EMCN: variants seen among roughly 807,000 people sequenced by gnomAD.
EMCN encodes the protein MUC-14.
Under a neutral mutation model 38.4 loss-of-function variants are expected in EMCN, and 37 were observed. The ratio of observed to expected loss-of-function variants is 0.96; its 90% CI spans 0.74 to 1.27. The LOEUF is 1.27. EMCN is among the 50% of genes most tolerant of loss of function. The pLI is 0.00. For missense variants in EMCN, 318 were observed against 302.8 expected, an observed-to-expected ratio of 1.05 and a Z score of -0.37; for synonymous variants, 95 against 100.8, an observed-to-expected ratio of 0.94 and a Z score of 0.35.
Position 100,423,320 on chromosome 4 carries a change from T to C in EMCN, c.500A>G (p.Gln167Arg). ...GCACACAGATATCATACCTTGAGAC[T>C]GTGAGGTGTTTTCTGGAATTGTAAC... ...IPVTIPENTS[Q>R]SQVIGTEGGK... Residue 167 changes from glutamine (Q) to arginine (R), a missense_variant, in exon 6 of 12, where the codon CAG (glutamine) becomes CGG (arginine). Physicochemically the swap from Gln to Arg is conservative, Grantham distance 43. Transcript: ENST00000296420. 1 of 1,610,920 alleles carries C rather than the reference T, an allele frequency of 6.2e-7. No homozygotes were observed. The highest frequency in any genetic ancestry group is 8.5e-7 in the Non-Finnish European group (1 of 1,177,438).
chr4:100,509,594 G>A (rs930441066), intron 1 of EMCN, among the ~76,000 whole-genome samples: 2 of 151,980 alleles, frequency 1.3e-5, no homozygotes, highest in African/African-American at 4.8e-5. Context: ...GAACACCCTA[G>A]GAGGGCGATT....
intron 4 of EMCN, among the ~76,000 whole-genome samples, chr4:100,458,770 T>A (rs1728086925): frequency 6.6e-6 from 1 of 152,142 alleles, no homozygotes; most frequent in South Asian, 2.1e-4. Flanking sequence ...CCAAAATGAC[T>A]CCTCCCTTCT....
intron 2 of EMCN, among the ~76,000 whole-genome samples, chr4:100,479,400 C>A (rs1274177099): frequency 6.6e-6 from 1 of 151,960 alleles, no homozygotes; most frequent in Admixed American, 6.6e-5. Context: ...TGGCTTTTAA[C>A]ATTTTTGTGG....
At chr4:100,487,541 C>A (rs1728972425) in intron 1 of EMCN, among the ~76,000 whole-genome samples, 1 of 152,170 alleles carries the variant, frequency 6.6e-6, no homozygotes, top group African/African-American at 2.4e-5. Context: ...ACCCAAATCT[C>A]ATCTTGAATT....
chr4:100,476,125 GTT>G (rs1728641801), intron 2 of EMCN, among the ~76,000 whole-genome samples: 1 of 151,954 alleles, frequency 6.6e-6, no homozygotes, highest in South Asian at 2.1e-4. Flanking sequence ...TGACTCATCA[GTT>G]TGATACCTAC....
chr4:100,400,507 T>C (rs767941719), intron 11 of EMCN, among the ~76,000 whole-genome samples: 6 of 152,170 alleles, frequency 3.9e-5, no homozygotes, highest in Admixed American at 6.6e-5. Flanking sequence ...ATTATTTTTC[T>C]TATGTGTGTG....
At position 100,488,324 on chromosome 4, in the gene EMCN, T is replaced by C. The variant is rs146174531; in HGVS notation, c.65-8285A>G. On this transcript the variant is annotated intron_variant, in intron 1 of 11. Coordinates refer to ENST00000296420, the MANE Select transcript of EMCN (RefSeq NM_016242.4). Reference sequence around the variant, plus strand: ...TCTATGGAGTTATTAACTTCTTACCTGGGAGAAATCTGTGCCCAAAAGGGA... The same window carrying C: ...TCTATGGAGTTATTAACTTCTTACCCGGGAGAAATCTGTGCCCAAAAGGGA... Among the ~76,000 whole-genome samples, 440 of 152,344 alleles carry C rather than the reference T, an allele frequency of 2.9e-3. 1 individual carries two copies. Among genetic ancestry groups the C allele is most frequent in the Non-Finnish European group, 2.6e-3 (176 of 68,030 alleles).
chr4:100,456,506 C>T (rs891275509), intron 4 of EMCN, among the ~76,000 whole-genome samples: 1 of 152,058 alleles, frequency 6.6e-6, no homozygotes, highest in Non-Finnish European at 1.5e-5. Context: ...ATTATATTGC[C>T]AGTTTTGGTA....
chr4:100,414,665 T>A (rs1726663751), intron 10 of EMCN, among the ~76,000 whole-genome samples: 1 of 152,282 alleles, frequency 6.6e-6, no homozygotes, highest in Admixed American at 6.5e-5. Context: ...GCTCTTCAAC[T>A]CTTCTGTTTG....
intron 1 of EMCN, among the ~76,000 whole-genome samples, chr4:100,499,954 CATT>C: frequency 6.6e-6 from 1 of 152,178 alleles, no homozygotes; most frequent in East Asian, 1.9e-4. Context: ...AGCAGAGTAT[CATT>C]GAGAGCAATT....
chr4:100,444,572 G>C (rs780438864), intron 5 of EMCN, among the ~76,000 whole-genome samples: 2 of 152,164 alleles, frequency 1.3e-5, no homozygotes, highest in African/African-American at 4.8e-5. Context: ...CCTGAGAGGA[G>C]AGTGCACAGT....
intron 1 of EMCN, among the ~76,000 whole-genome samples, chr4:100,507,295 A>G (rs1212109927): frequency 1.3e-5 from 2 of 152,172 alleles, no homozygotes; most frequent in African/African-American, 4.8e-5. Context: ...GCCTAGTGAG[A>G]TTTCAGCACT....
chr4:100,416,305 C>A (rs1434762095), intron 9 of EMCN, among the ~76,000 whole-genome samples: 1 of 152,094 alleles, frequency 6.6e-6, no homozygotes, highest in Non-Finnish European at 1.5e-5. Flanking sequence ...AGGTCCATAT[C>A]GCACATGTCT....
intron 10 of EMCN, among the ~76,000 whole-genome samples, chr4:100,413,873 G>C (rs1726635612): frequency 6.6e-6 from 1 of 152,188 alleles, no homozygotes; most frequent in African/African-American, 2.4e-5. Flanking sequence ...AGAAAAGGAA[G>C]TTAGGTGGGC....
In EMCN at chr4:100,424,859, G is replaced by A. The variant is rs187233222; in HGVS notation, c.416-1455C>T. ...ATAACCAATGATGTTAATCCTTTTG[G>A]GATTTCTCAAGGGTTAATTGTCCTA... On this transcript the variant is annotated intron_variant, in intron 5 of 11. Coordinates refer to ENST00000296420, the MANE Select transcript of EMCN (RefSeq NM_016242.4). Among the ~76,000 whole-genome samples, 5 of 151,976 alleles carry A rather than the reference G, an allele frequency of 3.3e-5. No homozygotes were observed. The East Asian group carries it at 7.8e-4, about 24-fold the overall frequency.
intron 1 of EMCN, among the ~76,000 whole-genome samples, chr4:100,493,261 A>T (rs1451107201): frequency 6.6e-6 from 1 of 152,170 alleles, no homozygotes; most frequent in Non-Finnish European, 1.5e-5. Flanking sequence ...AACTTTGATG[A>T]CCACTTTTCT....
Position 100,460,999 on chromosome 4 carries a change from A to G in EMCN, c.376+4424T>C, listed in dbSNP as rs544629483. On this transcript the variant is annotated intron_variant, in intron 4 of 11. Transcript: ENST00000296420. ...TCTCCATCACATTGTGTATCCAATT[A>G]GAATAAAATTCACTGTCCTTACCAT... Among the ~76,000 whole-genome samples the G allele has an allele frequency of 2.6e-5, 4 of 152,320 alleles. No individual in the cohort carries two copies. The South Asian group carries it at 8.3e-4, about 32-fold the overall frequency.
At chr4:100,490,767 C>G (rs1475963729) in intron 1 of EMCN, among the ~76,000 whole-genome samples, 1 of 152,204 alleles carries the variant, frequency 6.6e-6, no homozygotes, top group African/African-American at 2.4e-5. Context: ...GTATCCCCAT[C>G]ATTAAACACT....
At chr4:100,427,130 G>T (rs1226039714) in intron 5 of EMCN, among the ~76,000 whole-genome samples, 2 of 151,974 alleles carry the variant, frequency 1.3e-5, no homozygotes, top group Non-Finnish European at 2.9e-5. Context: ...TAACTTTTCA[G>T]CCTTTGACAC....
Sources: allele counts gnomAD v4.1 joint callset (sites outside exome capture counted in the v4.1 genomes callset), GRCh38; gene constraint gnomAD v4.1.1; transcripts MANE v1.5; gene names NCBI Gene and HGNC (gene_info 2026-07-23, HGNC 2026-07-21).